Variants in AKAP19 observed in about 807,000 individuals in gnomAD.
The protein encoded by AKAP19 is small A-kinase anchoring protein.
the AKAP19 span, among the ~76,000 whole-genome samples, chr2:189,979,167 C>G: frequency 6.6e-6 from 1 of 152,028 alleles, no homozygotes; most frequent in Admixed American, 6.6e-5. Flanking sequence ...CATCATATTA[C>G]CTAACTTCAA....
the AKAP19 span, among the ~76,000 whole-genome samples, chr2:190,101,837 C>T: frequency 6.6e-6 from 1 of 152,106 alleles, no homozygotes; most frequent in Non-Finnish European, 1.5e-5. Flanking sequence ...CAAAACTTGA[C>T]CTATCTAATC....
At chr2:190,131,366 T>G in the AKAP19 span, among the ~76,000 whole-genome samples, 2 of 152,180 alleles carry the variant, frequency 1.3e-5, no homozygotes, top group Non-Finnish European at 2.9e-5. Flanking sequence ...TGATGAAACC[T>G]TCATAAAAAT....
the AKAP19 span, among the ~76,000 whole-genome samples, chr2:190,128,805 G>C: frequency 6.6e-6 from 1 of 152,160 alleles, no homozygotes; most frequent in African/African-American, 2.4e-5. Context: ...GTCTCTAATA[G>C]TATAAAAACC....
the AKAP19 span, among the ~76,000 whole-genome samples, chr2:190,047,729 C>T: frequency 9.2e-5 from 14 of 152,202 alleles, no homozygotes; most frequent in Non-Finnish European, 1.8e-4. Flanking sequence ...TTCTTGTGCC[C>T]TCCTTTTCTG....
At chr2:190,115,481 G>A in the AKAP19 span, among the ~76,000 whole-genome samples, 10 of 141,210 alleles carry the variant, frequency 7.1e-5, no homozygotes, top group South Asian at 2.4e-4. Context: ...CACTACGCCC[G>A]GCTAATTTTT....
At chr2:190,031,935 G>A in the AKAP19 span, among the ~76,000 whole-genome samples, 4 of 152,104 alleles carry the variant, frequency 2.6e-5, no homozygotes, top group South Asian at 8.3e-4. Context: ...AATTTTAAAT[G>A]CCCATTTCAA....
the AKAP19 span, among the ~76,000 whole-genome samples, chr2:190,153,062 A>T: frequency 6.6e-6 from 1 of 152,020 alleles, no homozygotes; most frequent in African/African-American, 2.4e-5. Context: ...CGCCCGGCTA[A>T]TTTTTTGTAA....
chr2:190,057,284 C>G, the AKAP19 span: 1 of 1,613,148 alleles, frequency 6.2e-7, no homozygotes, highest in African/African-American at 1.3e-5. Flanking sequence ...CGGTCTACTA[C>G]CATCGCTGGA....
At chr2:189,942,081 G>T in the AKAP19 span, among the ~76,000 whole-genome samples, 3 of 152,158 alleles carry the variant, frequency 2.0e-5, no homozygotes, top group Non-Finnish European at 4.4e-5. Flanking sequence ...ACTATAAAAT[G>T]ACAAAGGGAT....
chr2:190,107,671 G>C, the AKAP19 span, among the ~76,000 whole-genome samples: 1 of 152,074 alleles, frequency 6.6e-6, no homozygotes, highest in African/African-American at 2.4e-5. Context: ...AGTCAGGCGT[G>C]GGTATCTCAA....
At chr2:189,929,442 T>G in the AKAP19 span, among the ~76,000 whole-genome samples, 1 of 152,148 alleles carries the variant, frequency 6.6e-6, no homozygotes, top group Non-Finnish European at 1.5e-5. Flanking sequence ...TTCTTAATAT[T>G]TAAAATTTAC....
At chr2:189,964,083 C>T in the AKAP19 span, among the ~76,000 whole-genome samples, 1 of 152,188 alleles carries the variant, frequency 6.6e-6, no homozygotes, top group African/African-American at 2.4e-5. Context: ...AATAATAAGA[C>T]TTGAAAGTCA....
chr2:189,958,291 C>T, the AKAP19 span, among the ~76,000 whole-genome samples: 1 of 151,902 alleles, frequency 6.6e-6, no homozygotes, highest in Non-Finnish European at 1.5e-5. Flanking sequence ...AATACTCAAC[C>T]TCACTGTAAT....
At chr2:190,169,045 T>A in the AKAP19 span, among the ~76,000 whole-genome samples, 1 of 152,200 alleles carries the variant, frequency 6.6e-6, no homozygotes, top group African/African-American at 2.4e-5. Flanking sequence ...GATAAACACA[T>A]ATGCGAGATT....
At chr2:189,891,089 C>G in the AKAP19 span, among the ~76,000 whole-genome samples, 1 of 151,942 alleles carries the variant, frequency 6.6e-6, no homozygotes, top group Non-Finnish European at 1.5e-5. Flanking sequence ...CCTTCAGGAG[C>G]TCTTGTAAGG....
the AKAP19 span, among the ~76,000 whole-genome samples, chr2:190,126,325 G>GAAAAAAAAAAAAAAAAAAAAAAAAAAA: frequency 2.3e-5 from 1 of 42,590 alleles, no homozygotes; most frequent in Non-Finnish European, 5.6e-5. Flanking sequence ...AAAAAAAAAA[G>GAAAAAAAAAAAAAAAAAAAAAAAAAAA]GTGTATATTT....
At chr2:189,914,913 C>T in the AKAP19 span, among the ~76,000 whole-genome samples, 1 of 152,048 alleles carries the variant, frequency 6.6e-6, no homozygotes, top group Non-Finnish European at 1.5e-5. Context: ...CACTCTCAAG[C>T]CTCTTGTTCT....
chr2:189,963,318 C>T, the AKAP19 span, among the ~76,000 whole-genome samples: 1 of 151,562 alleles, frequency 6.6e-6, no homozygotes, highest in African/African-American at 2.4e-5. Flanking sequence ...CCTCAGCCTC[C>T]CGAGTAGCTG....
chr2:190,169,338 C>G, the AKAP19 span, among the ~76,000 whole-genome samples: 1 of 152,006 alleles, frequency 6.6e-6, no homozygotes, highest in African/African-American at 2.4e-5. Context: ...GGGTCACAGC[C>G]AAACCATATC....
Sources: allele counts gnomAD v4.1 joint callset (sites outside exome capture counted in the v4.1 genomes callset), GRCh38; gene constraint gnomAD v4.1.1; transcripts MANE v1.5; gene names NCBI Gene and HGNC (gene_info 2026-07-23, HGNC 2026-07-21).